The following B3GALT5 variants were observed in gnomAD, a reference collection of about 807,000 sequenced individuals.
B3GALT5 encodes the protein UDP-Gal:betaGlcNAc beta 1,3-galactosyltransferase, polypeptide 5.
For missense variants in B3GALT5, 328 were observed against 396.6 expected, an observed-to-expected ratio of 0.83 and a Z score of 1.47; for synonymous variants, 156 against 158.6, an observed-to-expected ratio of 0.98 and a Z score of 0.12.
At position 39,631,963 on chromosome 21, in the gene B3GALT5, C is replaced by T. The variant is rs765516010; in HGVS notation, c.-391-14429C>T. ...GAAAGCACAGCGTGGAGGTCTGACA[C>T]GAAAGGGTGTGTTCGCAGGACTTTA... is the stretch of plus-strand genomic sequence containing the variant. On this transcript the variant is annotated intron_variant, in intron 1 of 3. Coordinates refer to ENST00000684187, the MANE Select transcript of B3GALT5 (RefSeq NM_001356336.2). Among the ~76,000 whole-genome samples the T allele has an allele frequency of 2.0e-4, 30 of 152,308 alleles. 1 individual carries two copies. Among genetic ancestry groups the T allele is most frequent in the South Asian group, 1.0e-3 (5 of 4,818 alleles).
At chr21:39,660,011 A>G (rs1209457183) in intron 3 of B3GALT5, 99 bp downstream of exon 3, 2 of 675,722 alleles carry the variant, frequency 3.0e-6, no homozygotes, top group East Asian at 1.3e-4. Context: ...AAAGAATCAG[A>G]TCAGAGACTG....
At chr21:39,616,914 A>G (rs897788225) in intron 1 of B3GALT5, among the ~76,000 whole-genome samples, 2 of 152,216 alleles carry the variant, frequency 1.3e-5, no homozygotes, top group Non-Finnish European at 2.9e-5. Flanking sequence ...GAGGCATTAC[A>G]TTTTTTATTT....
intron 2 of B3GALT5, 135 bp from the exon 3 acceptor site, chr21:39,659,618 T>C (rs2146217328): frequency 3.1e-6 from 1 of 325,822 alleles, no homozygotes; most frequent in South Asian, 1.2e-4. Flanking sequence ...AAAGTGAGGC[T>C]GGGATTGGGG....
At chr21:39,622,744 T>C (rs2079140403) in intron 1 of B3GALT5, among the ~76,000 whole-genome samples, 1 of 152,080 alleles carries the variant, frequency 6.6e-6, no homozygotes, top group African/African-American at 2.4e-5. Context: ...AATTCTTTTA[T>C]CTCATTATGT....
Position 39,660,795 on chromosome 21 carries a change from C to T in B3GALT5, c.236C>T (p.Thr79Met), listed in dbSNP as rs377007428. ...QLAERMAIRQ[T>M]WGKERMVKGK... ...GCTGAGCGCATGGCCATCCGGCAGA[C>T]GTGGGGGAAAGAGAGGATGGTGAAG... The change falls in exon 4 of 4, where the codon ACG becomes ATG. Residue 79 changes from threonine to methionine, a missense_variant. Thr to Met is a moderately conservative substitution (Grantham distance 81, BLOSUM62 -1). Transcript: ENST00000684187. 21 of 1,579,200 alleles carry T rather than the reference C, an allele frequency of 1.3e-5. No homozygotes were observed. Among genetic ancestry groups the T allele is most frequent in the African/African-American group, 2.7e-5 (2 of 73,884 alleles).
chr21:39,633,009 A>C (rs993964437), intron 1 of B3GALT5, among the ~76,000 whole-genome samples: 1 of 152,138 alleles, frequency 6.6e-6, no homozygotes, highest in African/African-American at 2.4e-5. Flanking sequence ...GGCAGTTGCA[A>C]TATCTCATCA....
rs559462369 is a variant in B3GALT5 at position 39,659,711 on chromosome 21, G to C, written c.-160-42G>C. Reference sequence around the variant, plus strand: ...TAAATTGTGAAGGCCTGCTGGTAAGGCACGAGTGATTTGAATGACACTCTT... The same window carrying C: ...TAAATTGTGAAGGCCTGCTGGTAAGCCACGAGTGATTTGAATGACACTCTT... On this transcript the variant is annotated intron_variant, in intron 2 of 3. Transcript: ENST00000684187. The C allele has an allele frequency of 1.6e-3, 1,536 of 977,270 alleles. 4 individuals are homozygous for C. Among genetic ancestry groups the C allele is most frequent in the Non-Finnish European group, 1.8e-3 (1,476 of 822,660 alleles). 60.5% of individuals were successfully genotyped at this position (977,270 alleles called of 1,614,324 possible).
intron 1 of B3GALT5, among the ~76,000 whole-genome samples, chr21:39,640,051 T>C (rs1452878483): frequency 6.7e-6 from 1 of 149,112 alleles, no homozygotes; most frequent in East Asian, 2.0e-4. Context: ...GAAGCTCCTG[T>C]AGTTGCTGCC....
intron 1 of B3GALT5, 145 bp downstream of exon 1, chr21:39,613,212 C>A: frequency 6.6e-6 from 1 of 152,350 alleles, no homozygotes; most frequent in South Asian, 1.9e-4. Context: ...CTGTTTTCTC[C>A]TTCGTTCCTT....
intron 1 of B3GALT5, among the ~76,000 whole-genome samples, chr21:39,628,533 A>G (rs2079175608): frequency 6.6e-6 from 1 of 152,224 alleles, no homozygotes; most frequent in Non-Finnish European, 1.5e-5. Flanking sequence ...AACGGTGCCT[A>G]AGGACATATT....
intron 1 of B3GALT5, among the ~76,000 whole-genome samples, chr21:39,643,063 A>T (rs982901593): frequency 1.7e-4 from 26 of 150,570 alleles, no homozygotes; most frequent in African/African-American, 5.6e-4. Flanking sequence ...AAAAAAAAAA[A>T]ATTTTTGTAA....
At chr21:39,655,929 G>A (rs574305743) in intron 2 of B3GALT5, among the ~76,000 whole-genome samples, 10 of 152,250 alleles carry the variant, frequency 6.6e-5, no homozygotes, top group Admixed American at 1.3e-4. Flanking sequence ...TCTGTACAAC[G>A]AATCCACTGA....
intron 1 of B3GALT5, among the ~76,000 whole-genome samples, chr21:39,643,432 A>T (rs1253399643): frequency 6.6e-6 from 1 of 150,690 alleles, no homozygotes; most frequent in African/African-American, 2.5e-5. Flanking sequence ...AAAAAAAAAA[A>T]AGAAAAAGAA....
At position 39,655,671 on chromosome 21, in the gene B3GALT5, G is replaced by T. The variant is rs547970074; in HGVS notation, c.-160-4082G>T. 2.6e-5 allele frequency among the ~76,000 whole-genome samples: 4 copies of T among 152,292 alleles called. No individual in the cohort carries two copies. The East Asian group carries it at 7.7e-4, about 29-fold the overall frequency. On this transcript the variant is annotated intron_variant, in intron 2 of 3. Coordinates refer to ENST00000684187, the MANE Select transcript of B3GALT5 (RefSeq NM_001356336.2). ...AAGGAAAAGAAAACAGCAGAGGTGAGTCGTCCTGCAGCTTAGCTTCACTAG... is the reference window on the plus strand; with the variant it reads ...AAGGAAAAGAAAACAGCAGAGGTGATTCGTCCTGCAGCTTAGCTTCACTAG...
chr21:39,647,052 G>A (rs2079346987), intron 2 of B3GALT5, among the ~76,000 whole-genome samples: 1 of 152,130 alleles, frequency 6.6e-6, no homozygotes, highest in Non-Finnish European at 1.5e-5. Flanking sequence ...AGTGAACCAA[G>A]ATGGCGCCTC....
chr21:39,629,014 C>T (rs1360548388), intron 1 of B3GALT5, among the ~76,000 whole-genome samples: 2 of 152,004 alleles, frequency 1.3e-5, no homozygotes, highest in African/African-American at 4.8e-5. Flanking sequence ...ATCCTCTTAA[C>T]ATCCTTTTTT....
intron 2 of B3GALT5, among the ~76,000 whole-genome samples, chr21:39,652,739 T>C (rs751540144): frequency 1.3e-5 from 2 of 152,222 alleles, no homozygotes; most frequent in Non-Finnish European, 2.9e-5. Context: ...GCCTTCAATA[T>C]CTGGCCAACT....
intron 1 of B3GALT5, among the ~76,000 whole-genome samples, chr21:39,643,441 AAAAGC>A (rs2079308907): frequency 1.3e-5 from 2 of 151,760 alleles, no homozygotes; most frequent in African/African-American, 2.4e-5. Context: ...AAAGAAAAAG[AAAAGC>A]AAAGCCTGTG....
intron 1 of B3GALT5, among the ~76,000 whole-genome samples, chr21:39,628,541 A>G (rs1055286079): frequency 1.3e-5 from 2 of 152,168 alleles, no homozygotes; most frequent in African/African-American, 4.8e-5. Flanking sequence ...CTAAGGACAT[A>G]TTTCCTGGAG....
Sources: allele counts gnomAD v4.1 joint callset (sites outside exome capture counted in the v4.1 genomes callset), GRCh38; gene constraint gnomAD v4.1.1; transcripts MANE v1.5; gene names NCBI Gene and HGNC (gene_info 2026-07-23, HGNC 2026-07-21).